TENM4: variants seen among roughly 807,000 people sequenced by gnomAD.
TENM4 encodes teneurin-4.
In TENM4, 82 loss-of-function variants were observed where a neutral mutation model predicts 243.3. That is an observed-to-expected ratio of 0.34 (90% confidence interval 0.28 to 0.40). The LOEUF is 0.40. TENM4 is among the 10% of genes least tolerant of loss of function. The pLI, the probability that TENM4 is intolerant of heterozygous loss-of-function variation, is 1.00. For synonymous variants in TENM4, 1,412 were observed against 1,456.3 expected (o/e 0.97, Z 0.69); for missense variants, 3,138 against 3,673.3 (o/e 0.85, Z 3.77).
At chr11:79,153,208 A>G (rs900049646) in intron 3 of TENM4, among the ~76,000 whole-genome samples, 12 of 152,338 alleles carry the variant, frequency 7.9e-5, no homozygotes, top group Admixed American at 5.2e-4. Flanking sequence ...CTTTTATAAA[A>G]TGTCAGTAAT....
chr11:79,001,509 T>C (rs1388904702), intron 6 of TENM4, among the ~76,000 whole-genome samples: 1 of 152,014 alleles, frequency 6.6e-6, no homozygotes, highest in African/African-American at 2.4e-5. Flanking sequence ...ACTTGAGCTG[T>C]CAAGGAGAGA....
chr11:78,687,186 G>A (rs866881116), intron 29 of TENM4, among the ~76,000 whole-genome samples: 2 of 151,950 alleles, frequency 1.3e-5, no homozygotes, highest in Non-Finnish European at 2.9e-5. Flanking sequence ...GCCCCAAATC[G>A]CCCACCCAGA....
At chr11:79,285,076 A>G (rs999043367) in intron 2 of TENM4, among the ~76,000 whole-genome samples, 1 of 152,106 alleles carries the variant, frequency 6.6e-6, no homozygotes, top group African/African-American at 2.4e-5. Flanking sequence ...CGTCTCTACT[A>G]AAAATACAAA....
At chr11:78,747,770 T>C (rs1176326560) in intron 19 of TENM4, among the ~76,000 whole-genome samples, 7 of 152,258 alleles carry the variant, frequency 4.6e-5, no homozygotes, top group Non-Finnish European at 1.0e-4. Flanking sequence ...AGGGCAATAT[T>C]AGTAATGTGA....
intron 1 of TENM4, among the ~76,000 whole-genome samples, chr11:79,334,199 G>A (rs1857110342): frequency 6.6e-6 from 1 of 152,210 alleles, no homozygotes; most frequent in Non-Finnish European, 1.5e-5. Flanking sequence ...GTAAAGAACT[G>A]CTGCTGAGCA....
intron 6 of TENM4, among the ~76,000 whole-genome samples, chr11:78,972,027 A>G (rs1857555838): frequency 6.6e-6 from 1 of 152,250 alleles, no homozygotes; most frequent in African/African-American, 2.4e-5. Flanking sequence ...TAAGACCAGT[A>G]ATCTTAGGGC....
At chr11:79,206,990 T>A (rs558474890) in intron 3 of TENM4, among the ~76,000 whole-genome samples, 2 of 152,128 alleles carry the variant, frequency 1.3e-5, no homozygotes, top group Admixed American at 1.3e-4. Context: ...TGCTCAGACA[T>A]CTCCCTGACC....
At position 79,033,892 on chromosome 11, in the gene TENM4, C is replaced by T. The variant is rs573126513; in HGVS notation, c.493+30846G>A. ...GCTAAGCACTTAATGAACTGACTTTCGTGTTTAAATTCCCTGAAATCAGCT... is the reference window on the plus strand; with the variant it reads ...GCTAAGCACTTAATGAACTGACTTTTGTGTTTAAATTCCCTGAAATCAGCT... On this transcript the variant is annotated intron_variant, in intron 6 of 33. Transcript: ENST00000278550. 4.6e-5 allele frequency among the ~76,000 whole-genome samples: 7 copies of T among 152,272 alleles called. No homozygotes were observed. In the South Asian group the frequency reaches 1.0e-3, roughly 23 times the overall value.
chr11:79,278,796 T>C (rs151121232), intron 2 of TENM4, among the ~76,000 whole-genome samples: 135 of 152,248 alleles, frequency 8.9e-4, no homozygotes, highest in African/African-American at 3.0e-3. Flanking sequence ...TGTGTGTACA[T>C]GTGCACGAGG....
At chr11:78,749,322 A>G (rs1451447306) in intron 19 of TENM4, 3 of 151,532 alleles carry the variant, frequency 2.0e-5, no homozygotes, top group South Asian at 2.1e-4. Context: ...GCCTTCTTCT[A>G]TCTTCCATCA....
intron 2 of TENM4, among the ~76,000 whole-genome samples, chr11:79,216,166 T>C (rs1181024715): frequency 1.3e-5 from 2 of 152,218 alleles, no homozygotes; most frequent in Non-Finnish European, 2.9e-5. Flanking sequence ...TCTTGTGCTA[T>C]GGGAGTAATG....
chr11:78,793,441 T>C (rs1388722203), intron 15 of TENM4, among the ~76,000 whole-genome samples: 2 of 152,206 alleles, frequency 1.3e-5, no homozygotes, highest in African/African-American at 4.8e-5. Context: ...AGTATAATTG[T>C]TCTATTTTGC....
At chr11:79,433,772 C>CTGATT (rs1367716527) in intron 1 of TENM4, among the ~76,000 whole-genome samples, 2 of 152,154 alleles carry the variant, frequency 1.3e-5, no homozygotes, top group African/African-American at 4.8e-5. Context: ...AAGAAAAGCT[C>CTGATT]TGATTTGATG....
At chr11:79,240,717 C>T (rs1864573263) in intron 2 of TENM4, among the ~76,000 whole-genome samples, 1 of 152,220 alleles carries the variant, frequency 6.6e-6, no homozygotes, top group Admixed American at 6.5e-5. Context: ...AAAGTTTCAG[C>T]ATTGAATCAT....
Position 78,670,428 on chromosome 11 carries a change from C to T in TENM4, c.5917G>A (p.Gly1973Ser), listed in dbSNP as rs377317773. 1 of 1,613,866 alleles carries T rather than the reference C, an allele frequency of 6.2e-7. No homozygotes were observed. Among genetic ancestry groups the T allele is most frequent in the Non-Finnish European group, 8.5e-7 (1 of 1,179,898 alleles). Residue 1973 changes from glycine to serine, a missense_variant, in exon 32 of 34, where the codon GGC becomes AGC. Gly to Ser is a moderately conservative substitution (Grantham distance 56). Coordinates refer to ENST00000278550, the MANE Select transcript of TENM4 (RefSeq NM_001098816.3). ...RQTLETIRSV[G>S]YYRNIYQPPE... Reference sequence around the variant, plus strand: ...GGCTGATAGATGTTTCTGTAGTAGCCCACTGAGCGGATGGTCTCTAGTGTC... The same window carrying T: ...GGCTGATAGATGTTTCTGTAGTAGCTCACTGAGCGGATGGTCTCTAGTGTC...
intron 26 of TENM4, 123 bp downstream of exon 26, chr11:78,712,359 C>T (rs1330227453): frequency 5.1e-6 from 4 of 783,732 alleles, no homozygotes; most frequent in South Asian, 3.8e-5. Context: ...ACAGTTTTTA[C>T]CATCCTCCAT....
At chr11:78,725,856 C>T (rs1048545169) in intron 23 of TENM4, among the ~76,000 whole-genome samples, 6 of 152,208 alleles carry the variant, frequency 3.9e-5, no homozygotes, top group African/African-American at 1.4e-4. Context: ...GTATTTGTGT[C>T]TCACAGGCAT....
At chr11:78,992,553 G>T (rs1392218860) in intron 6 of TENM4, among the ~76,000 whole-genome samples, 1 of 152,200 alleles carries the variant, frequency 6.6e-6, no homozygotes, top group African/African-American at 2.4e-5. Context: ...GGTGGTATGT[G>T]AACTCATTTT....
intron 4 of TENM4, among the ~76,000 whole-genome samples, chr11:79,127,822 C>G (rs1291181850): frequency 6.6e-6 from 1 of 152,180 alleles, no homozygotes; most frequent in East Asian, 1.9e-4. Flanking sequence ...CCTTCTACAT[C>G]AGTAAAATTT....
Sources: gnomAD v4.1 joint callset for allele counts (sites outside exome capture counted in the v4.1 genomes callset) on GRCh38, gnomAD v4.1.1 for gene constraint, MANE v1.5 for transcripts, NCBI Gene and HGNC (gene_info 2026-07-23, HGNC 2026-07-21) for gene names.